The following DNAH9 variants were observed in gnomAD, a reference collection of about 807,000 sequenced individuals.
DNAH9 encodes the protein dynein axonemal heavy chain 9, also known as DNAH9 variant protein.
A neutral mutation model predicts 471.6 loss-of-function variants in DNAH9; 345 were observed. The observed-to-expected ratio is 0.73, with a 90% CI of 0.67 to 0.80. The LOEUF (loss-of-function observed/expected upper bound fraction) is 0.80. DNAH9 is among the 30% of genes least tolerant of loss of function. The pLI is 0.00. For missense variants in DNAH9, 5,407 were observed against 5,609.2 expected, an observed-to-expected ratio of 0.96 and a Z score of 1.15; for synonymous variants, 2,093 against 2,123.6, an observed-to-expected ratio of 0.99 and a Z score of 0.40.
At chr17:11,802,660 A>AAG (rs1188260716) in intron 43 of DNAH9, among the ~76,000 whole-genome samples, 2 of 151,334 alleles carry the variant, frequency 1.3e-5, no homozygotes, top group African/African-American at 4.9e-5. Flanking sequence ...AAAAAAAAAA[A>AAG]AAAGTGGGAG....
intron 49 of DNAH9, among the ~76,000 whole-genome samples, chr17:11,852,472 T>C (rs977118114): frequency 6.6e-6 from 1 of 152,060 alleles, no homozygotes; most frequent in Non-Finnish European, 1.5e-5. Flanking sequence ...GCGGATCCCC[T>C]TGTGGCTCTT....
intron 20 of DNAH9, among the ~76,000 whole-genome samples, chr17:11,690,930 ATG>A (rs1333313543): frequency 6.6e-6 from 1 of 152,014 alleles, no homozygotes; most frequent in Non-Finnish European, 1.5e-5. Flanking sequence ...CCCCTAAAAT[ATG>A]TGTTCTTCTC....
At chr17:11,617,352 T>G (rs1240535151) in intron 4 of DNAH9, 59 bp from the exon 5 acceptor site, 1 of 1,236,396 alleles carries the variant, frequency 8.1e-7, no homozygotes, top group Non-Finnish European at 1.2e-6. Context: ...GGACTAGGGC[T>G]CCACCAGGTG....
intron 36 of DNAH9, among the ~76,000 whole-genome samples, chr17:11,763,883 GTGTTTGAGTT>G (rs1329344541): frequency 6.6e-6 from 1 of 152,162 alleles, no homozygotes; most frequent in Non-Finnish European, 1.5e-5. Flanking sequence ...AACTTATACA[GTGTTTGAGTT>G]TGAACAACTG....
intron 67 of DNAH9, among the ~76,000 whole-genome samples, chr17:11,947,302 TAAC>T (rs1050199895): frequency 1.3e-5 from 2 of 152,168 alleles, no homozygotes; most frequent in African/African-American, 4.8e-5. Context: ...TCTGTTTCAA[TAAC>T]AACTAGGCAT....
At chr17:11,836,407 A>C (rs1487238549) in intron 49 of DNAH9, among the ~76,000 whole-genome samples, 1 of 152,212 alleles carries the variant, frequency 6.6e-6, no homozygotes, top group Non-Finnish European at 1.5e-5. Context: ...TGGCATAAGG[A>C]AACCCTAAAA....
At chr17:11,760,462 G>A (rs936724066) in intron 35 of DNAH9, among the ~76,000 whole-genome samples, 4 of 151,856 alleles carry the variant, frequency 2.6e-5, no homozygotes, top group East Asian at 1.9e-4. Flanking sequence ...ACTCTCCCCC[G>A]AACTCTCAAT....
rs577494986 is a variant in DNAH9 at position 11,699,776 on chromosome 17, C to A, written c.4918C>A (p.Arg1640=). Residue 1640 remains arginine (R), a synonymous_variant, in exon 23 of 69, where the codon CGA becomes AGA. Coordinates refer to ENST00000262442, the MANE Select transcript of DNAH9 (RefSeq NM_001372.4). ...ACTCTTTGACAACATGGCCAAGATG[C>A]GATTCCAGCTAGATGCCAGTGGGGA... The part of the protein sequence containing the change: ...SKLFDNMAKM[R]FQLDASGEPT... 2.5e-6 allele frequency: 4 copies of A among 1,614,064 alleles called. No individual in the cohort carries two copies. The highest frequency in any genetic ancestry group is 2.2e-5 in the East Asian group (1 of 44,888).
chr17:11,744,388 CT>C (rs923748788), intron 30 of DNAH9, among the ~76,000 whole-genome samples: 13 of 152,252 alleles, frequency 8.5e-5, no homozygotes, highest in African/African-American at 3.1e-4. Flanking sequence ...TTCTTTAAAC[CT>C]CTTTTCCCAT....
chr17:11,945,865 T>C (rs1975099678), intron 67 of DNAH9, among the ~76,000 whole-genome samples: 1 of 151,170 alleles, frequency 6.6e-6, no homozygotes, highest in Non-Finnish European at 1.5e-5. Context: ...AAGACCATCC[T>C]GGCTAGCATG....
At chr17:11,768,799 T>C (rs1412875310) in intron 37 of DNAH9, among the ~76,000 whole-genome samples, 173 bp downstream of exon 37, 2 of 152,122 alleles carry the variant, frequency 1.3e-5, no homozygotes, top group Non-Finnish European at 2.9e-5. Context: ...TCACAGATTC[T>C]ACTAAAGGCC....
intron 28 of DNAH9, among the ~76,000 whole-genome samples, chr17:11,730,960 G>GTGATGA: frequency 1.5e-5 from 2 of 136,046 alleles, no homozygotes; most frequent in Non-Finnish European, 3.2e-5. Context: ...GATGATGGTG[G>GTGATGA]TGGTGATGAT....
At position 11,684,463 on chromosome 17, in the gene DNAH9, C is replaced by G. The variant is rs556766941; in HGVS notation, c.3743+3574C>G. Among the ~76,000 whole-genome samples, 179 of 152,198 alleles carry G rather than the reference C, an allele frequency of 1.2e-3. 2 individuals are homozygous for G. The highest frequency in any genetic ancestry group is 2.3e-3 in the Non-Finnish European group (155 of 68,042). Reference sequence around the variant, plus strand: ...TCAGATTCAAGGGCTTTGTGCAACTCTTAAAGCTGGTGACCAGTTCTCCCT... The same window carrying G: ...TCAGATTCAAGGGCTTTGTGCAACTGTTAAAGCTGGTGACCAGTTCTCCCT... On this transcript the variant is annotated intron_variant, in intron 19 of 68. Transcript: ENST00000262442.
intron 20 of DNAH9, 106 bp from the exon 21 acceptor site, chr17:11,693,762 A>C: frequency 8.3e-7 from 1 of 1,207,570 alleles, no homozygotes; most frequent in Non-Finnish European, 1.2e-6. Flanking sequence ...TATTCTCTGT[A>C]TTTGACAACC....
intron 48 of DNAH9, among the ~76,000 whole-genome samples, chr17:11,829,014 A>G (rs958152489): frequency 3.9e-5 from 6 of 152,186 alleles, no homozygotes; most frequent in African/African-American, 1.4e-4. Context: ...ATTAACACTG[A>G]ACAATCCCAA....
intron 11 of DNAH9, among the ~76,000 whole-genome samples, 191 bp from the exon 12 acceptor site, chr17:11,646,868 ACATCATTGCACTC>A (rs1321159270): frequency 2.0e-5 from 3 of 152,188 alleles, no homozygotes; most frequent in Non-Finnish European, 4.4e-5. Flanking sequence ...AGCCGAGATC[ACATCATTGCACTC>A]CAGCATGGGC....
intron 45 of DNAH9, among the ~76,000 whole-genome samples, chr17:11,817,601 T>C (rs1020741126): frequency 1.3e-5 from 2 of 152,256 alleles, no homozygotes; most frequent in African/African-American, 4.8e-5. Flanking sequence ...ATCTTATTTA[T>C]GAACAATAAA....
chr17:11,703,662 T>C (rs2074643605), intron 24 of DNAH9, among the ~76,000 whole-genome samples: 1 of 152,214 alleles, frequency 6.6e-6, no homozygotes, highest in African/African-American at 2.4e-5. Context: ...ACAATTGAAT[T>C]TCAATATCTC....
chr17:11,783,966 C>T (rs1352087571), intron 40 of DNAH9, among the ~76,000 whole-genome samples: 1 of 152,124 alleles, frequency 6.6e-6, no homozygotes, highest in East Asian at 1.9e-4. Context: ...TTTGATCCCT[C>T]TTTCTTCAGA....
Sources: gnomAD v4.1 joint callset for allele counts (sites outside exome capture counted in the v4.1 genomes callset) on GRCh38, gnomAD v4.1.1 for gene constraint, MANE v1.5 for transcripts, NCBI Gene and HGNC (gene_info 2026-07-23, HGNC 2026-07-21) for gene names.